The following NDUFA10 variants were observed in gnomAD, a reference collection of about 807,000 sequenced individuals.
NDUFA10 encodes NADH:ubiquinone oxidoreductase subunit A10.
NDUFA10 carries 40 observed loss-of-function variants against 47.8 expected under a neutral mutation model. The ratio of observed to expected loss-of-function variants is 0.84; its 90% confidence interval spans 0.65 to 1.09. The LOEUF is 1.09. Ranked by LOEUF, NDUFA10 falls within the 50% of genes least tolerant of loss-of-function variation. The pLI, the probability that NDUFA10 is intolerant of heterozygous loss-of-function variation, is 0.00. For synonymous variants in NDUFA10, 183 were observed against 172.2 expected, an observed-to-expected ratio of 1.06 and a Z score of -0.49; for missense variants, 413 against 451.1, an observed-to-expected ratio of 0.92 and a Z score of 0.76.
chr2:239,982,867 C>T (rs1223476486), intron 9 of NDUFA10, among the ~76,000 whole-genome samples: 3 of 152,176 alleles, frequency 2.0e-5, no homozygotes, highest in African/African-American at 4.8e-5. Flanking sequence ...TTTTTCCGCT[C>T]AGCATCTGAT....
intron 4 of NDUFA10, among the ~76,000 whole-genome samples, chr2:239,919,989 T>G (rs1693941029): frequency 6.6e-6 from 1 of 152,208 alleles, no homozygotes; most frequent in Non-Finnish European, 1.5e-5. Flanking sequence ...CAGTACTGTG[T>G]GTGCCCCAGC....
At chr2:239,974,051 C>T (rs533456556) in intron 9 of NDUFA10, among the ~76,000 whole-genome samples, 4 of 152,256 alleles carry the variant, frequency 2.6e-5, no homozygotes, top group Admixed American at 6.5e-5. Context: ...CTCAGCCTCC[C>T]GAGTAGGTGG....
At chr2:240,021,069 T>G (rs1697598917) in intron 3 of NDUFA10, 128 bp downstream of exon 3, 6 of 761,360 alleles carry the variant, frequency 7.9e-6, no homozygotes, top group Non-Finnish European at 1.4e-5. Flanking sequence ...ATGATCTTGT[T>G]GGAAAGACAG....
At chr2:239,949,926 T>C (rs1694523553) in intron 4 of NDUFA10, among the ~76,000 whole-genome samples, 1 of 152,218 alleles carries the variant, frequency 6.6e-6, no homozygotes, top group Admixed American at 6.5e-5. Context: ...CTGTTCATCC[T>C]GTGGGTCCTG....
intron 4 of NDUFA10, among the ~76,000 whole-genome samples, chr2:239,915,736 G>C (rs1325930553): frequency 3.3e-5 from 5 of 150,432 alleles, no homozygotes; most frequent in African/African-American, 4.9e-5. Flanking sequence ...GAGACACACA[G>C]AGATACACAT....
At chr2:239,966,176 G>C (rs905662899) in intron 9 of NDUFA10, among the ~76,000 whole-genome samples, 1 of 152,184 alleles carries the variant, frequency 6.6e-6, no homozygotes, top group African/African-American at 2.4e-5. Flanking sequence ...AGGGATTTTA[G>C]ACAGTGCACT....
At chr2:239,975,949 C>T (rs1303154387) in intron 9 of NDUFA10, among the ~76,000 whole-genome samples, 1 of 152,160 alleles carries the variant, frequency 6.6e-6, no homozygotes, top group East Asian at 1.9e-4. Flanking sequence ...ACCATCACTC[C>T]ACATCATCCA....
intron 4 of NDUFA10, among the ~76,000 whole-genome samples, chr2:239,918,148 C>A (rs139676912): frequency 1.3e-5 from 2 of 152,296 alleles, no homozygotes; most frequent in Admixed American, 1.3e-4. Context: ...TGCTCTGGGG[C>A]CTGAGGGACC....
intron 9 of NDUFA10, among the ~76,000 whole-genome samples, chr2:239,966,410 G>A (rs1159536282): frequency 2.0e-5 from 3 of 152,196 alleles, no homozygotes; most frequent in African/African-American, 7.2e-5. Context: ...ACATGAGGGT[G>A]TGCACACTGC....
intron 4 of NDUFA10, among the ~76,000 whole-genome samples, chr2:239,938,327 T>A (rs1694302283): frequency 1.3e-5 from 2 of 152,170 alleles, no homozygotes; most frequent in South Asian, 2.1e-4. Flanking sequence ...CTCCCGCCAC[T>A]CCGCATGCTG....
At chr2:240,024,974 G>A (rs1030976782) in intron 1 of NDUFA10, among the ~76,000 whole-genome samples, 1 of 76,590 alleles carries the variant, frequency 1.3e-5, no homozygotes, top group Non-Finnish European at 2.5e-5. Flanking sequence ...CAGCCTCGGG[G>A]CCCTGATCAC....
At chr2:239,972,137 ATGTGTGTGTGTGTGTG>A (rs4149568) in intron 9 of NDUFA10, among the ~76,000 whole-genome samples, 1 of 150,496 alleles carries the variant, frequency 6.6e-6, no homozygotes, top group African/African-American at 2.4e-5. Flanking sequence ...TTCATGAAGG[ATGTGTGTGTGTGTGTG>A]TGTGTGTGTG....
chr2:239,987,490 A>G lies in NDUFA10; in HGVS notation c.999+2584T>C, dbSNP rs1696048321. ...CCATCACATTCAAGAGTTTGAAGATAACAGACCATCATGTTAATAACTTAC... is the reference window on the plus strand; with the variant it reads ...CCATCACATTCAAGAGTTTGAAGATGACAGACCATCATGTTAATAACTTAC... On this transcript the variant is annotated intron_variant, in intron 9 of 9. Transcript: ENST00000252711. The surrounding 1 kb of genome is among the most constrained non-coding windows in gnomAD (Gnocchi z 4.8). Among the ~76,000 whole-genome samples, 1 of 152,142 alleles carries G rather than the reference A, an allele frequency of 6.6e-6. No homozygotes were observed. Among genetic ancestry groups the G allele is most frequent in the South Asian group, 2.1e-4 (1 of 4,818 alleles).
intron 8 of NDUFA10, among the ~76,000 whole-genome samples, chr2:240,000,951 T>C (rs1696685066): frequency 6.6e-6 from 1 of 152,216 alleles, no homozygotes; most frequent in Admixed American, 6.5e-5. Flanking sequence ...TCTTAGAACA[T>C]ATCCCTGTCG....
At chr2:239,953,084 C>T (rs1694584186), downstream of NDUFA10, among the ~76,000 whole-genome samples, 1 of 152,242 alleles carries the variant, frequency 6.6e-6, no homozygotes, top group Admixed American at 6.5e-5. Context: ...TCCTGATCCC[C>T]AGCTCCTGGG....
At chr2:239,982,879 G>C (rs866275600) in intron 9 of NDUFA10, among the ~76,000 whole-genome samples, 10 of 152,182 alleles carry the variant, frequency 6.6e-5, no homozygotes, top group Non-Finnish European at 8.8e-5. Flanking sequence ...GCATCTGATG[G>C]AAATTGCTGC....
chr2:239,938,811 G>A (rs1694311437), intron 4 of NDUFA10, among the ~76,000 whole-genome samples: 1 of 152,210 alleles, frequency 6.6e-6, no homozygotes, highest in Non-Finnish European at 1.5e-5. Flanking sequence ...CAGAGAAGAC[G>A]GCGCAGCGAA....
At chr2:239,953,306 A>C (rs1288231245), downstream of NDUFA10, among the ~76,000 whole-genome samples, 1 of 152,126 alleles carries the variant, frequency 6.6e-6, no homozygotes, top group African/African-American at 2.4e-5. Context: ...GAAACCAGGA[A>C]AGCTGGGAAG....
In NDUFA10 at chr2:239,959,541, A is replaced by C; in HGVS notation, c.*1577T>G. On this transcript the variant is annotated 3_prime_UTR_variant, in exon 10 of 10. Transcript: ENST00000252711. Reference sequence around the variant, plus strand: ...GATTAAAGCTGTTGGTTTCCTAGTGAAATGCAAAACTTCAGCCACTTAAAT... The same window carrying C: ...GATTAAAGCTGTTGGTTTCCTAGTGCAATGCAAAACTTCAGCCACTTAAAT... The C allele has an allele frequency of 2.0e-6, 2 of 985,502 alleles. No homozygotes were observed. Among genetic ancestry groups the C allele is most frequent in the Non-Finnish European group, 2.4e-6 (2 of 829,960 alleles). 61.0% of individuals were successfully genotyped at this position (985,502 alleles called of 1,614,324 possible).
Sources: gnomAD v4.1 joint callset for allele counts (sites outside exome capture counted in the v4.1 genomes callset) on GRCh38, gnomAD v4.1.1 for gene constraint, Gnocchi (gnomAD v3.1) non-coding constraint, MANE v1.5 for transcripts, NCBI Gene and HGNC (gene_info 2026-07-23, HGNC 2026-07-21) for gene names.